STT3A: variants seen among roughly 807,000 people sequenced by gnomAD.
The protein encoded by STT3A is dolichyl-diphosphooligosaccharide--protein glycosyltransferase subunit STT3A.
Under a neutral mutation model 89.2 loss-of-function variants are expected in STT3A, and 34 were observed. That is an observed-to-expected ratio of 0.38 (90% CI 0.29 to 0.51). The LOEUF is 0.51. STT3A is among the 20% of genes least tolerant of loss of function. The probability of loss-of-function intolerance (pLI) is 0.89; values close to 1 mark genes in which losing one functional copy is unlikely to be tolerated. For missense variants in STT3A, 555 were observed against 889.5 expected (o/e 0.62, Z 4.78); for synonymous variants, 282 against 310.3 (o/e 0.91, Z 0.96).
chr11:125,619,144 G>A (rs757236442), intron 16 of STT3A, among the ~76,000 whole-genome samples: 6 of 152,108 alleles, frequency 3.9e-5, no homozygotes, highest in East Asian at 3.9e-4. Context: ...CCACCTCCCC[G>A]GTTCAAGCGA....
chr11:125,608,526 A>G (rs918907580), intron 9 of STT3A: 30 of 351,118 alleles, frequency 8.5e-5, no homozygotes, highest in African/African-American at 3.4e-4. Flanking sequence ...GGGTTTCTCC[A>G]TGTTTGTCAG....
At chr11:125,609,722 C>A in intron 10 of STT3A, 133 bp downstream of exon 10, 1 of 1,047,908 alleles carries the variant, frequency 9.5e-7, no homozygotes, top group Non-Finnish European at 1.3e-6. Flanking sequence ...GACGGCTAAG[C>A]AAATTTTCTC....
upstream of STT3A, chr11:125,592,295 C>G (rs1939319405): frequency 4.9e-6 from 2 of 412,220 alleles, no homozygotes; most frequent in Middle Eastern, 3.5e-4. Context: ...AGTCAACTAT[C>G]AGGCACATCC....
At chr11:125,607,134 G>A (rs999691201) in intron 8 of STT3A, among the ~76,000 whole-genome samples, 5 of 152,132 alleles carry the variant, frequency 3.3e-5, no homozygotes, top group Admixed American at 3.3e-4. Context: ...TTACAGTACG[G>A]TAGTCAATAA....
At chr11:125,619,730 G>A (rs1940292496) in intron 16 of STT3A, among the ~76,000 whole-genome samples, 1 of 152,110 alleles carries the variant, frequency 6.6e-6, no homozygotes, top group South Asian at 2.1e-4. Flanking sequence ...GGCTCTAAAT[G>A]ACAATCCTCA....
At chr11:125,612,548 T>C (rs1565349943) in intron 11 of STT3A, 44 bp from the exon 12 acceptor site, 1 of 1,565,014 alleles carries the variant, frequency 6.4e-7, no homozygotes. Context: ...ATCTGTAAAT[T>C]GTGGAACACT....
chr11:125,603,200 A>G (rs1939734773), intron 5 of STT3A, among the ~76,000 whole-genome samples: 1 of 152,246 alleles, frequency 6.6e-6, no homozygotes, highest in Non-Finnish European at 1.5e-5. Context: ...AGAAAAAAAC[A>G]TTTAAAATGC....
At position 125,621,456 on chromosome 11, in the gene STT3A, T is replaced by A. The variant is rs930969272; in HGVS notation, c.*646T>A. 1 of 152,164 alleles carries A rather than the reference T, an allele frequency of 6.6e-6. No homozygotes were observed. The highest frequency in any genetic ancestry group is 1.5e-5 in the Non-Finnish European group (1 of 68,038). 9.4% of individuals were successfully genotyped at this position (152,164 alleles called of 1,614,324 possible). On this transcript the variant is annotated 3_prime_UTR_variant, in exon 18 of 18. Coordinates refer to ENST00000392708, the MANE Select transcript of STT3A (RefSeq NM_152713.5). ...AGTTTTGAAGACTCAAGACAAACAG[T>A]GAAATTATTGGTTTATCAATGGAGA...
intron 12 of STT3A, 94 bp downstream of exon 12, chr11:125,612,841 A>G: frequency 6.5e-7 from 1 of 1,536,250 alleles, no homozygotes; most frequent in Non-Finnish European, 8.9e-7. Flanking sequence ...AGTAAAGTAG[A>G]GCACTGTCCT....
intron 15 of STT3A, among the ~76,000 whole-genome samples, chr11:125,617,950 T>C (rs1940227449): frequency 6.6e-6 from 1 of 152,264 alleles, no homozygotes; most frequent in South Asian, 2.1e-4. Context: ...CTTTTGGGGT[T>C]TGTTTTTTTT....
intron 3 of STT3A, among the ~76,000 whole-genome samples, chr11:125,599,704 G>A (rs762569540): frequency 1.5e-4 from 22 of 148,796 alleles, no homozygotes; most frequent in Non-Finnish European, 2.4e-4. Context: ...CTACTACACC[G>A]GCCTCTTCTT....
intron 3 of STT3A, 31 bp from the exon 4 acceptor site, chr11:125,602,272 A>G: frequency 6.2e-7 from 1 of 1,604,558 alleles, no homozygotes. Context: ...ATTCACCACA[A>G]ATTTACAACA....
At chr11:125,597,413 CATCTCTACAAAAAA>C (rs1939529076) in intron 3 of STT3A, among the ~76,000 whole-genome samples, 1 of 95,342 alleles carries the variant, frequency 1.0e-5, no homozygotes, top group African/African-American at 4.5e-5. Flanking sequence ...GGTGAAACCC[CATCTCTACAAAAAA>C]AAAAAAAAAA....
rs201163143 is a variant in STT3A at position 125,612,705 on chromosome 11, G to A, written c.1323G>A (p.Lys441=). The change falls in exon 12 of 18, where the codon AAG becomes AAA. Residue 441 remains lysine, a synonymous_variant. Transcript: ENST00000392708. ...TGGACATAAGTCGTCCAGACAAGAA[G>A]AGCAAGAAGCAACAGGATTCCACCT... ...KNLDISRPDK[K]SKKQQDSTYP... 2.4e-5 allele frequency: 39 copies of A among 1,614,146 alleles called. No homozygotes were observed. In the East Asian group the frequency reaches 5.6e-4, roughly 23 times the overall value.
At chr11:125,596,420 G>A (rs1939499837) in intron 2 of STT3A, among the ~76,000 whole-genome samples, 1 of 152,158 alleles carries the variant, frequency 6.6e-6, no homozygotes, top group Non-Finnish European at 1.5e-5. Flanking sequence ...AGCCGAGATT[G>A]CACCACTGCA....
intron 6 of STT3A, 92 bp downstream of exon 6, chr11:125,604,339 A>G: frequency 7.8e-7 from 1 of 1,275,200 alleles, no homozygotes; most frequent in Admixed American, 2.0e-5. Flanking sequence ...AATAATAAAA[A>G]TGGTAACTGG....
chr11:125,607,640 C>G (rs1352254714), intron 8 of STT3A, among the ~76,000 whole-genome samples: 1 of 152,224 alleles, frequency 6.6e-6, no homozygotes, highest in East Asian at 1.9e-4. Context: ...TGCTTCGACA[C>G]TCCTACCTCC....
chr11:125,597,057 A>C lies in STT3A; in HGVS notation c.89-2A>C. The stretch of plus-strand genomic sequence containing the variant: ...AAAATATTAACTCTCTGGTTTTTGC[A>C]GCCTTCTCCACTCGTCTGTTTGCTG... On this transcript the variant is annotated splice_acceptor_variant, in intron 2 of 17. Coordinates refer to ENST00000392708, the MANE Select transcript of STT3A (RefSeq NM_152713.5). LOFTEE classifies it high-confidence loss of function. The C allele has an allele frequency of 6.2e-7, 1 of 1,613,984 alleles. No homozygotes were observed. Among genetic ancestry groups the C allele is most frequent in the Non-Finnish European group, 8.5e-7 (1 of 1,179,986 alleles).
chr11:125,596,296 C>G (rs1171829819), intron 2 of STT3A, among the ~76,000 whole-genome samples: 3 of 152,136 alleles, frequency 2.0e-5, no homozygotes, highest in Non-Finnish European at 4.4e-5. Context: ...GAAACCCTGT[C>G]TCTACTAAAA....
Sources: gnomAD v4.1 joint callset for allele counts (sites outside exome capture counted in the v4.1 genomes callset) on GRCh38, gnomAD v4.1.1 for gene constraint, MANE v1.5 for transcripts, NCBI Gene and HGNC (gene_info 2026-07-23, HGNC 2026-07-21) for gene names.